AKAP6: variants seen among roughly 807,000 people sequenced by gnomAD.
AKAP6 encodes A-kinase anchoring protein 6.
In AKAP6, 58 loss-of-function variants were observed where a neutral mutation model predicts 188.5. The observed-to-expected ratio is 0.31, with a 90% CI of 0.25 to 0.38. The LOEUF is 0.38. Ranked by LOEUF, AKAP6 falls within the 10% of genes least tolerant of loss-of-function variation. The pLI is 1.00. For synonymous variants in AKAP6, 989 were observed against 998.6 expected (o/e 0.99, Z 0.18); for missense variants, 2,710 against 2,740.0 (o/e 0.99, Z 0.24).
chr14:32,562,046 G>A (rs1257307563), intron 4 of AKAP6, among the ~76,000 whole-genome samples: 1 of 152,132 alleles, frequency 6.6e-6, no homozygotes, highest in Admixed American at 6.6e-5. Context: ...TGGTGATTAA[G>A]CAACTTTATC....
At position 32,821,995 on chromosome 14, in the gene AKAP6, A is replaced by G. The variant is rs35816612; in HGVS notation, c.4182A>G (p.Glu1394=). The change falls in exon 13 of 14, where the codon GAA becomes GAG. Residue 1394 remains glutamate (E), a synonymous_variant. Transcript: ENST00000280979. ...TGGATGGGTCCCCAAGTAACCTTGA[A>G]ACTGAACATCTGGACCCACAAATGG... is the stretch of plus-strand genomic sequence containing the variant. ...NAVDGSPSNL[E]TEHLDPQMGD... The G allele has an allele frequency of 9.8e-5, 158 of 1,613,988 alleles. 1 individual carries two copies. The African/African-American group carries it at 1.2e-3, about 12-fold the overall frequency.
intron 5 of AKAP6, among the ~76,000 whole-genome samples, chr14:32,591,109 C>A (rs1885466709): frequency 1.3e-5 from 2 of 152,300 alleles, no homozygotes; most frequent in South Asian, 4.2e-4. Context: ...ATCAATCTAT[C>A]ACTCTTGTGA....
chr14:32,440,523 T>A (rs929479538), intron 2 of AKAP6, among the ~76,000 whole-genome samples: 1 of 152,054 alleles, frequency 6.6e-6, no homozygotes, highest in African/African-American at 2.4e-5. Context: ...TTGGTCATGG[T>A]GTAAAAATGT....
chr14:32,644,326 G>A (rs574979835), intron 7 of AKAP6, among the ~76,000 whole-genome samples: 2 of 152,174 alleles, frequency 1.3e-5, no homozygotes, highest in Non-Finnish European at 2.9e-5. Context: ...GACATTTTCT[G>A]TGAAGGTCAT....
At chr14:32,584,920 A>G (rs1885160911) in intron 5 of AKAP6, among the ~76,000 whole-genome samples, 1 of 152,128 alleles carries the variant, frequency 6.6e-6, no homozygotes, top group Non-Finnish European at 1.5e-5. Context: ...CATTTTCCCC[A>G]ACACCTTTTT....
chr14:32,461,732 T>A (rs1163091893), intron 2 of AKAP6, among the ~76,000 whole-genome samples: 1 of 151,994 alleles, frequency 6.6e-6, no homozygotes, highest in Non-Finnish European at 1.5e-5. Context: ...AGAATGAGAT[T>A]GACAAATTGA....
intron 1 of AKAP6, among the ~76,000 whole-genome samples, chr14:32,426,942 G>A (rs181011234): frequency 1.1e-4 from 17 of 152,176 alleles, no homozygotes; most frequent in African/African-American, 2.2e-4. Flanking sequence ...GGGAGTTAGC[G>A]GGTATTTGAG....
intron 12 of AKAP6, among the ~76,000 whole-genome samples, chr14:32,776,511 T>C (rs1388162940): frequency 6.6e-6 from 1 of 152,216 alleles, no homozygotes; most frequent in Non-Finnish European, 1.5e-5. Context: ...GTCTTGGGTA[T>C]GTCTTTATCA....
intron 2 of AKAP6, among the ~76,000 whole-genome samples, chr14:32,524,163 A>C (rs1171210387): frequency 6.6e-6 from 1 of 152,120 alleles, no homozygotes; most frequent in Non-Finnish European, 1.5e-5. Context: ...GTTTCAAAAA[A>C]AAAAATGGAG....
chr14:32,391,215 G>A (rs1888703952), intron 1 of AKAP6, among the ~76,000 whole-genome samples: 1 of 152,176 alleles, frequency 6.6e-6, no homozygotes, highest in Non-Finnish European at 1.5e-5. Flanking sequence ...ACATGCAACA[G>A]CATTCTCATG....
At chr14:32,622,184 C>T (rs2139422661) in intron 7 of AKAP6, among the ~76,000 whole-genome samples, 1 of 152,018 alleles carries the variant, frequency 6.6e-6, no homozygotes, top group East Asian at 1.9e-4. Flanking sequence ...CTTACTGCTT[C>T]ATAATTTTAA....
At position 32,824,424 on chromosome 14, in the gene AKAP6, C is replaced by T. The variant is rs756642987; in HGVS notation, c.6611C>T (p.Ser2204Leu). The T allele has an allele frequency of 1.9e-5, 30 of 1,613,810 alleles. No homozygotes were observed. The highest frequency in any genetic ancestry group is 3.3e-5 in the Admixed American group (2 of 59,898). The change falls in exon 13 of 14, where the codon TCA becomes TTA. Residue 2204 changes from serine (S) to leucine (L), a missense_variant. Ser to Leu is a moderately radical substitution (Grantham distance 145). This residue lies in a region of AKAP6 where 2,473 missense variants were observed against 2,426.1 expected (regional missense o/e 1.02). Transcript: ENST00000280979. ...CSSEFSDSSL[S>L]ADDADTVALS... ...TCTGAGTTCAGTGATAGTTCTCTTT[C>T]AGCTGATGATGCAGATACAGTGGCT...
intron 1 of AKAP6, among the ~76,000 whole-genome samples, chr14:32,338,413 T>A (rs1886785119): frequency 6.6e-6 from 1 of 152,162 alleles, no homozygotes; most frequent in South Asian, 2.1e-4. Flanking sequence ...TCTAAAGTGA[T>A]ATTTTTGCAA....
At chr14:32,608,857 G>A (rs1206830956) in intron 7 of AKAP6, among the ~76,000 whole-genome samples, 1 of 152,152 alleles carries the variant, frequency 6.6e-6, no homozygotes, top group Non-Finnish European at 1.5e-5. Flanking sequence ...GAAGCATTTT[G>A]TGCTAGGTAG....
chr14:32,500,276 A>AAC (rs1369838421), intron 2 of AKAP6, among the ~76,000 whole-genome samples: 1 of 152,198 alleles, frequency 6.6e-6, no homozygotes, highest in Non-Finnish European at 1.5e-5. Flanking sequence ...AGAAGTAGTT[A>AAC]CCCACACATA....
chr14:32,410,442 C>A (rs1317066238), intron 1 of AKAP6, among the ~76,000 whole-genome samples: 1 of 152,114 alleles, frequency 6.6e-6, no homozygotes, highest in Non-Finnish European at 1.5e-5. Context: ...AACCAATGTA[C>A]ATCTTAAATG....
chr14:32,627,665 G>C (rs1887082125), intron 7 of AKAP6, among the ~76,000 whole-genome samples: 1 of 152,054 alleles, frequency 6.6e-6, no homozygotes, highest in African/African-American at 2.4e-5. Flanking sequence ...TCCAGGAAAG[G>C]AAAACAGGAA....
At chr14:32,824,880 C>G in intron 13 of AKAP6, 65 bp downstream of exon 13, 1 of 1,357,820 alleles carries the variant, frequency 7.4e-7, no homozygotes, top group Non-Finnish European at 1.0e-6. Context: ...AAAACCATGG[C>G]AGGAGAAAAG....
At chr14:32,817,195 G>A (rs941046169) in intron 12 of AKAP6, among the ~76,000 whole-genome samples, 1 of 151,958 alleles carries the variant, frequency 6.6e-6, no homozygotes, top group Non-Finnish European at 1.5e-5. Context: ...AGAAAATCCT[G>A]GAAATGCAAT....
Sources: allele counts gnomAD v4.1 joint callset (sites outside exome capture counted in the v4.1 genomes callset), GRCh38; gene constraint gnomAD v4.1.1; regional missense constraint gnomAD v4.1.1; transcripts MANE v1.5; gene names NCBI Gene and HGNC (gene_info 2026-07-23, HGNC 2026-07-21).